Variants in NEK11 observed in about 807,000 individuals in gnomAD.
NEK11 encodes the protein serine/threonine-protein kinase Nek11.
In NEK11, 72 loss-of-function variants were observed where a neutral mutation model predicts 80.7. The observed-to-expected ratio is 0.89, with a 90% CI of 0.74 to 1.08. The LOEUF (loss-of-function observed/expected upper bound fraction) is 1.08, where lower values mean the gene tolerates loss of function less well. Ranked by LOEUF, NEK11 falls within the 50% of genes least tolerant of loss-of-function variation. The pLI, the probability that NEK11 is intolerant of heterozygous loss-of-function variation, is 0.00. For synonymous variants in NEK11, 251 were observed against 260.7 expected, an observed-to-expected ratio of 0.96 and a Z score of 0.36; for missense variants, 764 against 763.6, an observed-to-expected ratio of 1.00 and a Z score of -0.01.
At chr3:131,108,393 T>A (rs184956396) in intron 4 of NEK11, among the ~76,000 whole-genome samples, 12 of 152,216 alleles carry the variant, frequency 7.9e-5, no homozygotes, top group African/African-American at 2.9e-4. Flanking sequence ...GATAAGGACC[T>A]CTCCCACTCT....
intron 17 of NEK11, among the ~76,000 whole-genome samples, chr3:131,322,094 G>A (rs752828910): frequency 3.3e-5 from 5 of 152,190 alleles, no homozygotes; most frequent in Non-Finnish European, 7.4e-5. Context: ...CAACCTAGGT[G>A]CTCATCAGTG....
chr3:131,223,952 A>G (rs752143384), intron 14 of NEK11, among the ~76,000 whole-genome samples: 3 of 152,168 alleles, frequency 2.0e-5, no homozygotes, highest in Non-Finnish European at 2.9e-5. Context: ...TTGAGTATAT[A>G]TTTGCAATTG....
chr3:131,302,805 A>G (rs1414241746), intron 17 of NEK11, among the ~76,000 whole-genome samples: 1 of 152,130 alleles, frequency 6.6e-6, no homozygotes, highest in Non-Finnish European at 1.5e-5. Context: ...CCATGTGGCA[A>G]TGAGAAGAAT....
rs114630390 is a variant in NEK11, at chr3:131,047,355, T to C, written c.170+17477T>C. On this transcript the variant is annotated intron_variant, in intron 3 of 17. Transcript: ENST00000383366. ...CTTTTGGGGGTGTTCACTTTGTTTT[T>C]TCGTATTACCAGGATTGTTTTTCTG... Among the ~76,000 whole-genome samples, 824 of 152,314 alleles carry C rather than the reference T, an allele frequency of 5.4e-3. 9 individuals carry two copies. The highest frequency in any genetic ancestry group is 0.018 in the African/African-American group (754 of 41,576).
At chr3:131,191,457 T>C (rs2093793257) in intron 14 of NEK11, among the ~76,000 whole-genome samples, 1 of 152,158 alleles carries the variant, frequency 6.6e-6, no homozygotes, top group Admixed American at 6.6e-5. Context: ...TCTCTGGTTC[T>C]CCCTCTTCTG....
chr3:131,065,005 G>C (rs2071632183), intron 3 of NEK11, among the ~76,000 whole-genome samples: 1 of 152,164 alleles, frequency 6.6e-6, no homozygotes. Flanking sequence ...ATAAGTGAAG[G>C]CACAAAGGCA....
chr3:131,060,191 G>A (rs1431301754), intron 3 of NEK11, among the ~76,000 whole-genome samples: 1 of 152,178 alleles, frequency 6.6e-6, no homozygotes, highest in African/African-American at 2.4e-5. Flanking sequence ...TAGTTCAGTA[G>A]CAATCAGAAT....
At chr3:131,258,911 C>G (rs954626994) in intron 16 of NEK11, among the ~76,000 whole-genome samples, 1 of 152,126 alleles carries the variant, frequency 6.6e-6, no homozygotes, top group Non-Finnish European at 1.5e-5. Context: ...AGAAGCTGCT[C>G]CATGCAAAGC....
chr3:131,218,144 G>A (rs1316760666), intron 14 of NEK11, among the ~76,000 whole-genome samples: 1 of 152,018 alleles, frequency 6.6e-6, no homozygotes, highest in Non-Finnish European at 1.5e-5. Flanking sequence ...ATTTTGTTTT[G>A]TAACCATGAG....
At chr3:131,329,129 C>G (rs1476094014) in intron 17 of NEK11, 6 of 152,146 alleles carry the variant, frequency 3.9e-5, no homozygotes, top group Middle Eastern at 3.2e-3. Context: ...TCATTTTTAT[C>G]TAAAGATGAT....
At chr3:131,329,174 A>G (rs190072817) in intron 17 of NEK11, 1 of 152,362 alleles carries the variant, frequency 6.6e-6, no homozygotes, top group East Asian at 1.9e-4. Flanking sequence ...CATTTGAAAT[A>G]ATGATGAATA....
At chr3:131,323,264 T>C (rs927294960) in intron 17 of NEK11, among the ~76,000 whole-genome samples, 1 of 152,244 alleles carries the variant, frequency 6.6e-6, no homozygotes, top group Admixed American at 6.5e-5. Flanking sequence ...GCAGTTCCCC[T>C]CTTGTTCTTT....
At chr3:131,213,408 T>C (rs1217740039) in intron 14 of NEK11, among the ~76,000 whole-genome samples, 1 of 152,188 alleles carries the variant, frequency 6.6e-6, no homozygotes, top group East Asian at 1.9e-4. Context: ...AGGATTTTAT[T>C]GAAGAGAAAC....
At chr3:131,305,814 C>A (rs1007724809) in intron 17 of NEK11, among the ~76,000 whole-genome samples, 3 of 152,040 alleles carry the variant, frequency 2.0e-5, no homozygotes, top group Non-Finnish European at 4.4e-5. Context: ...CTTGACAGCC[C>A]CACGCAGGGC....
intron 14 of NEK11, among the ~76,000 whole-genome samples, chr3:131,209,232 A>G (rs776802787): frequency 3.9e-5 from 6 of 152,122 alleles, no homozygotes; most frequent in Non-Finnish European, 7.4e-5. Flanking sequence ...AAAAGAGATA[A>G]TCATGTGGTT....
intron 16 of NEK11, among the ~76,000 whole-genome samples, chr3:131,248,344 A>G (rs72991522): frequency 8.7e-4 from 133 of 152,206 alleles, no homozygotes; most frequent in African/African-American, 3.0e-3. Context: ...ATCTATATAG[A>G]TGATCATATG....
chr3:131,237,419 A>C (rs1216169151), intron 15 of NEK11, among the ~76,000 whole-genome samples: 1 of 152,182 alleles, frequency 6.6e-6, no homozygotes, highest in Non-Finnish European at 1.5e-5. Flanking sequence ...TGGTCTAAGC[A>C]CTGGGTATAT....
In NEK11 at chr3:131,220,637, A is replaced by C. The variant is rs554357102; in HGVS notation, c.1400-7891A>C. On this transcript the variant is annotated intron_variant, in intron 14 of 17. Coordinates refer to ENST00000383366, the MANE Select transcript of NEK11 (RefSeq NM_024800.5). ...TCTTCAGAAAACTAGAAAAGAAAGG[A>C]CAAATAGAGATGGACATCTTTTGGT... Among the ~76,000 whole-genome samples the C allele has an allele frequency of 1.2e-4, 18 of 152,320 alleles. 1 individual carries two copies. In the South Asian group the frequency reaches 3.5e-3, roughly 30 times the overall value.
intron 14 of NEK11, among the ~76,000 whole-genome samples, chr3:131,217,588 G>A (rs1278401193): frequency 6.6e-6 from 1 of 152,114 alleles, no homozygotes. Context: ...AACCTAGATG[G>A]TACATTTATG....
Sources: allele counts gnomAD v4.1 joint callset (sites outside exome capture counted in the v4.1 genomes callset), GRCh38; gene constraint gnomAD v4.1.1; transcripts MANE v1.5; gene names NCBI Gene and HGNC (gene_info 2026-07-23, HGNC 2026-07-21).